The following TRIM2 variants were observed in gnomAD, a reference collection of about 807,000 sequenced individuals.
TRIM2 encodes tripartite motif containing 2.
A neutral mutation model predicts 75.2 loss-of-function variants in TRIM2; 20 were observed. That is an observed-to-expected ratio of 0.27 (90% CI 0.19 to 0.39). TRIM2 has a LOEUF of 0.39. TRIM2 is among the 10% of genes least tolerant of loss of function. The probability of loss-of-function intolerance (pLI) is 1.00; values close to 1 mark genes in which losing one functional copy is unlikely to be tolerated. For missense variants in TRIM2, 660 were observed against 990.8 expected (o/e 0.67, Z 4.48); for synonymous variants, 373 against 388.3 (o/e 0.96, Z 0.46).
chr4:153,209,330 G>A (rs1391824270), intron 1 of TRIM2, among the ~76,000 whole-genome samples: 1 of 152,068 alleles, frequency 6.6e-6, no homozygotes, highest in Non-Finnish European at 1.5e-5. Flanking sequence ...ATGTTCAAGG[G>A]ACCCACCCCC....
chr4:153,235,915 A>AT (rs1373811046), intron 1 of TRIM2, among the ~76,000 whole-genome samples: 2 of 151,964 alleles, frequency 1.3e-5, no homozygotes, highest in Non-Finnish European at 2.9e-5. Context: ...CACCTAAACT[A>AT]TGATTACCTT....
At chr4:153,323,887 G>A (rs994856673) in intron 9 of TRIM2, among the ~76,000 whole-genome samples, 191 bp from the exon 10 acceptor site, 6 of 152,160 alleles carry the variant, frequency 3.9e-5, no homozygotes, top group Admixed American at 2.6e-4. Context: ...GGCGCAAGTA[G>A]AGAATAATAT....
intron 1 of TRIM2, among the ~76,000 whole-genome samples, chr4:153,186,493 A>G (rs570694070): frequency 4.6e-5 from 7 of 152,336 alleles, no homozygotes; most frequent in African/African-American, 1.4e-4. Context: ...CACCCTCTTA[A>G]GGAGCTGTAC....
intron 1 of TRIM2, among the ~76,000 whole-genome samples, chr4:153,268,773 G>A (rs1433375866): frequency 6.6e-6 from 1 of 152,108 alleles, no homozygotes; most frequent in Non-Finnish European, 1.5e-5. Context: ...TTCTCTTTCT[G>A]TGTTGCCCTC....
Position 153,248,734 on chromosome 4 carries a change from G to A in TRIM2, c.31-21601G>A, listed in dbSNP as rs1000247632. On this transcript the variant is annotated intron_variant, in intron 1 of 11. Coordinates refer to ENST00000338700, the MANE Select transcript of TRIM2 (RefSeq NM_015271.5). This position sits in a 1 kb window ranked among gnomAD's most constrained non-coding sequence, Gnocchi z 4.0. ...TCGTGGATGAAAGTGACCCTGAGTT[G>A]TAGTGCCAGGCAGGTTGCTTAGGAA... Among the ~76,000 whole-genome samples, 2 of 152,248 alleles carry A rather than the reference G, an allele frequency of 1.3e-5. No individual in the cohort carries two copies. The highest frequency in any genetic ancestry group is 2.9e-5 in the Non-Finnish European group (2 of 68,048).
At chr4:153,274,809 C>G (rs1403851198) in intron 2 of TRIM2, among the ~76,000 whole-genome samples, 2 of 152,130 alleles carry the variant, frequency 1.3e-5, no homozygotes, top group Non-Finnish European at 2.9e-5. Context: ...TCCCAGAAGT[C>G]TAGTAAGATA....
intron 2 of TRIM2, among the ~76,000 whole-genome samples, chr4:153,273,073 G>A (rs1157848323): frequency 6.6e-6 from 1 of 151,704 alleles, no homozygotes. Context: ...TCTTGACCTC[G>A]TGATCTGCCC....
At chr4:153,201,818 G>C (rs58950268), upstream of TRIM2, among the ~76,000 whole-genome samples, 1,561 of 152,282 alleles carry the variant, frequency 0.01, 25 homozygotes, top group African/African-American at 0.036. Context: ...TAACACTTGT[G>C]AAGGCTATGT....
intron 1 of TRIM2, among the ~76,000 whole-genome samples, chr4:153,208,090 G>T (rs1735965870): frequency 6.6e-6 from 1 of 152,138 alleles, no homozygotes; most frequent in Admixed American, 6.5e-5. Flanking sequence ...GAGGCCAAAA[G>T]TTCAAGACCA....
At position 153,254,631 on chromosome 4, in the gene TRIM2, C is replaced by T. The variant is rs536929089; in HGVS notation, c.31-15704C>T. Among the ~76,000 whole-genome samples the T allele has an allele frequency of 4.6e-3, 694 of 152,316 alleles. 4 individuals carry two copies. Among genetic ancestry groups the T allele is most frequent in the African/African-American group, 0.014 (592 of 41,570 alleles). On this transcript the variant is annotated intron_variant, in intron 1 of 11. Transcript: ENST00000338700. ...GCCAAGGAGATGATGCTTGGCATTT[C>T]CGTGGGGGCCTCCCACGGTTACCCA...
intron 1 of TRIM2, among the ~76,000 whole-genome samples, chr4:153,260,690 ACCC>A (rs58510660): frequency 2.9e-5 from 1 of 34,568 alleles, no homozygotes; most frequent in African/African-American, 9.4e-5. Flanking sequence ...CCACACACCC[ACCC>A]CCCCCCCCAC....
At chr4:153,165,031 G>GT (rs1730156324) in intron 1 of TRIM2, among the ~76,000 whole-genome samples, 1 of 151,900 alleles carries the variant, frequency 6.6e-6, no homozygotes, top group Non-Finnish European at 1.5e-5. Context: ...GATTATTAAA[G>GT]TTTTTTGTTT....
At chr4:153,322,982 T>G (rs987522514) in intron 9 of TRIM2, among the ~76,000 whole-genome samples, 166 bp downstream of exon 9, 3 of 152,196 alleles carry the variant, frequency 2.0e-5, no homozygotes, top group Admixed American at 6.5e-5. Context: ...TGCTTGAGCC[T>G]TAGTCACCGC....
chr4:153,225,139 C>G (rs1741765484), intron 1 of TRIM2, among the ~76,000 whole-genome samples: 1 of 152,136 alleles, frequency 6.6e-6, no homozygotes. Flanking sequence ...CATCTTGAAG[C>G]CCTGAAATCC....
chr4:153,207,174 A>G (rs911142749), intron 1 of TRIM2, among the ~76,000 whole-genome samples: 3 of 152,132 alleles, frequency 2.0e-5, no homozygotes, highest in Non-Finnish European at 4.4e-5. Context: ...TCACTTACTC[A>G]CTGTGTAACT....
intron 1 of TRIM2, among the ~76,000 whole-genome samples, chr4:153,267,355 A>T (rs561877434): frequency 1.3e-5 from 2 of 152,174 alleles, no homozygotes; most frequent in South Asian, 4.1e-4. Flanking sequence ...TGTTTCTTCT[A>T]ATCTATAGAA....
intron 3 of TRIM2, among the ~76,000 whole-genome samples, chr4:153,287,375 A>G (rs1760882586): frequency 6.6e-6 from 1 of 152,250 alleles, no homozygotes; most frequent in Non-Finnish European, 1.5e-5. Flanking sequence ...CCAATCTGCC[A>G]GTATCAGCCC....
At chr4:153,301,774 A>G (rs970078890) in intron 6 of TRIM2, among the ~76,000 whole-genome samples, 1 of 152,178 alleles carries the variant, frequency 6.6e-6, no homozygotes, top group Non-Finnish European at 1.5e-5. Flanking sequence ...TGCTGTTGGC[A>G]TCTTTGTTGA....
intron 3 of TRIM2, among the ~76,000 whole-genome samples, chr4:153,287,332 A>G (rs1427803650): frequency 6.6e-6 from 1 of 152,216 alleles, no homozygotes; most frequent in African/African-American, 2.4e-5. Context: ...TTAGTCTCTT[A>G]TAGAGAGCAT....
Sources: allele counts gnomAD v4.1 joint callset (sites outside exome capture counted in the v4.1 genomes callset), GRCh38; gene constraint gnomAD v4.1.1; non-coding constraint Gnocchi (gnomAD v3.1); transcripts MANE v1.5; gene names NCBI Gene and HGNC (gene_info 2026-07-23, HGNC 2026-07-21).